TGFBR3: variants seen among roughly 807,000 people sequenced by gnomAD.
The protein encoded by TGFBR3 is transforming growth factor beta receptor type 3.
TGFBR3 carries 46 observed loss-of-function variants against 87.9 expected under a neutral mutation model. The ratio of observed to expected loss-of-function variants is 0.52; its 90% CI spans 0.41 to 0.67. TGFBR3 has a LOEUF of 0.67. Among genes scored for constraint, TGFBR3 ranks in the 30% least tolerant of loss-of-function variants. TGFBR3 has a pLI of 0.00. For missense variants in TGFBR3, 866 were observed against 1,041.9 expected (o/e 0.83, Z 2.32); for synonymous variants, 381 against 391.6 (o/e 0.97, Z 0.32).
In TGFBR3 at chr1:91,850,300, CTAAT is replaced by C. The variant is rs1325961999; in HGVS notation, c.61+11167_61+11170del. On this transcript the variant is annotated intron_variant, in intron 2 of 16. Coordinates refer to ENST00000212355, the MANE Select transcript of TGFBR3 (RefSeq NM_003243.5). ...AAGGCAAAATAAGTGGTTCTGTCCT[CTAAT>C]TAACTCAAAAGGAAAAGATAAGGGC... Among the ~76,000 whole-genome samples the C allele has an allele frequency of 1.2e-4, 19 of 152,182 alleles. 1 individual carries two copies. The highest frequency in any genetic ancestry group is 1.2e-3 in the East Asian group (6 of 5,178).
intron 2 of TGFBR3, among the ~76,000 whole-genome samples, chr1:91,891,476 C>T (rs1466995508): frequency 6.8e-6 from 1 of 146,832 alleles, no homozygotes; most frequent in Non-Finnish European, 1.5e-5. Flanking sequence ...CCAGCCTGGG[C>T]AACAGAACTG....
At chr1:91,783,761 C>T (rs986653193) in intron 3 of TGFBR3, among the ~76,000 whole-genome samples, 2 of 152,030 alleles carry the variant, frequency 1.3e-5, no homozygotes, top group Non-Finnish European at 2.9e-5. Flanking sequence ...ATTACTATAT[C>T]GGCAGGGATA....
At chr1:91,860,840 G>A (rs764636229) in intron 2 of TGFBR3, among the ~76,000 whole-genome samples, 9 of 140,914 alleles carry the variant, frequency 6.4e-5, no homozygotes, top group African/African-American at 1.1e-4. Flanking sequence ...GCTGAGGCAC[G>A]AGAATTGCTT....
chr1:91,734,645 T>C (rs1672894416), intron 5 of TGFBR3, 131 bp downstream of exon 5: 2 of 1,168,824 alleles, frequency 1.7e-6, no homozygotes, highest in Non-Finnish European at 1.3e-6. Flanking sequence ...TGGGGCCAAA[T>C]GACCCCTCAG....
chr1:91,758,522 G>A, intron 4 of TGFBR3, 91 bp downstream of exon 4: 1 of 1,450,184 alleles, frequency 6.9e-7, no homozygotes, highest in Non-Finnish European at 9.7e-7. Flanking sequence ...TTATTTCAGT[G>A]AAAGTAAGCC....
chr1:91,800,614 G>A (rs577349895), intron 2 of TGFBR3, among the ~76,000 whole-genome samples: 7 of 151,188 alleles, frequency 4.6e-5, no homozygotes, highest in East Asian at 2.0e-4. Flanking sequence ...TTTGGTTTTC[G>A]AAGTTCCTCA....
At chr1:91,849,216 C>T (rs116020588) in intron 2 of TGFBR3, among the ~76,000 whole-genome samples, 1 of 152,272 alleles carries the variant, frequency 6.6e-6, no homozygotes, top group African/African-American at 2.4e-5. Flanking sequence ...GTTAAGACAT[C>T]CTTCAGATCA....
intron 14 of TGFBR3, among the ~76,000 whole-genome samples, chr1:91,706,109 T>C (rs1027600857): frequency 6.6e-6 from 1 of 152,182 alleles, no homozygotes; most frequent in Non-Finnish European, 1.5e-5. Context: ...TCTCTCAAAA[T>C]AGTTACGAGT....
intron 2 of TGFBR3, among the ~76,000 whole-genome samples, chr1:91,845,506 A>G (rs1677435636): frequency 6.6e-6 from 1 of 152,228 alleles, no homozygotes; most frequent in Admixed American, 6.5e-5. Flanking sequence ...AGAAACTGGC[A>G]CTTGGCTCCA....
At chr1:91,838,600 A>G (rs966558061) in intron 2 of TGFBR3, among the ~76,000 whole-genome samples, 99 of 150,898 alleles carry the variant, frequency 6.6e-4, no homozygotes, top group Non-Finnish European at 1.3e-3. Flanking sequence ...CTGGGACTAC[A>G]GGCACCCGTC....
intron 2 of TGFBR3, among the ~76,000 whole-genome samples, chr1:91,830,565 C>G (rs1394691880): frequency 6.6e-6 from 1 of 152,140 alleles, no homozygotes; most frequent in African/African-American, 2.4e-5. Context: ...CTTCTGTGAA[C>G]AGTGAGTGGG....
chr1:91,887,221 G>A (rs1679346377), upstream of TGFBR3, among the ~76,000 whole-genome samples: 1 of 123,796 alleles, frequency 8.1e-6, no homozygotes, highest in Non-Finnish European at 1.6e-5. Context: ...GTTCTAAAGG[G>A]CTATGGACCT....
chr1:91,865,048 CAA>C (rs893165996), intron 1 of TGFBR3, among the ~76,000 whole-genome samples: 52 of 151,854 alleles, frequency 3.4e-4, no homozygotes, highest in African/African-American at 1.2e-3. Flanking sequence ...ACCAAAAATA[CAA>C]AAGTTAGCCA....
intron 2 of TGFBR3, among the ~76,000 whole-genome samples, chr1:91,827,309 G>A (rs1368133884): frequency 6.6e-6 from 1 of 152,186 alleles, no homozygotes; most frequent in Non-Finnish European, 1.5e-5. Flanking sequence ...TCTATTCTCA[G>A]CATGTGTCAC....
At position 91,891,626 on chromosome 1, in the gene TGFBR3, C is replaced by T. The variant is rs934223980; in HGVS notation, c.-114+8011G>A. Among the ~76,000 whole-genome samples the T allele has an allele frequency of 5.9e-5, 9 of 152,146 alleles. 1 individual carries two copies. Among genetic ancestry groups the T allele is most frequent in the African/African-American group, 2.2e-4 (9 of 41,438 alleles). On this transcript the variant is annotated intron_variant, in intron 2 of 17. Transcript: ENST00000370399. The stretch of plus-strand genomic sequence containing the variant: ...TTCCTTTCACTAATTTAAAGTTTGT[C>T]TAATACAGCCAACAGCTTGGAGGCA...
intron 2 of TGFBR3, among the ~76,000 whole-genome samples, chr1:91,822,466 T>A (rs899535374): frequency 1.3e-5 from 2 of 152,096 alleles, no homozygotes; most frequent in Non-Finnish European, 2.9e-5. Flanking sequence ...GGGGGCTCAG[T>A]TGAAACCCCA....
chr1:91,855,815 C>A (rs1677918141), intron 2 of TGFBR3, among the ~76,000 whole-genome samples: 1 of 152,098 alleles, frequency 6.6e-6, no homozygotes, highest in Non-Finnish European at 1.5e-5. Flanking sequence ...AGGTAGCTTA[C>A]AGGATCTAAG....
intron 2 of TGFBR3, among the ~76,000 whole-genome samples, chr1:91,826,597 G>A (rs1024853193): frequency 3.3e-5 from 5 of 152,148 alleles, no homozygotes; most frequent in African/African-American, 1.2e-4. Flanking sequence ...GTTTGAAGGA[G>A]CAAACCGATG....
chr1:91,903,944 C>A (rs542892342), intron 1 of TGFBR3, among the ~76,000 whole-genome samples: 1 of 152,002 alleles, frequency 6.6e-6, no homozygotes, highest in Non-Finnish European at 1.5e-5. Context: ...GAGGCCTAGG[C>A]GGGCAGACTG....
Sources: allele counts gnomAD v4.1 joint callset (sites outside exome capture counted in the v4.1 genomes callset), GRCh38; gene constraint gnomAD v4.1.1; transcripts MANE v1.5; gene names NCBI Gene and HGNC (gene_info 2026-07-23, HGNC 2026-07-21).